The following SPATA31C2 variants were observed in gnomAD, a reference collection of about 807,000 sequenced individuals.
The protein encoded by SPATA31C2 is spermatogenesis-associated protein 31C2.
In SPATA31C2, 5 loss-of-function variants were observed where a neutral mutation model predicts 11.4. The ratio of observed to expected loss-of-function variants is 0.44; its 90% confidence interval spans 0.23 to 0.92. SPATA31C2 has a LOEUF of 0.92. Ranked by LOEUF, SPATA31C2 falls within the 40% of genes least tolerant of loss-of-function variation. SPATA31C2 has a pLI of 0.24. For missense variants in SPATA31C2, 1,353 were observed against 1,368.6 expected (o/e 0.99, Z 0.18); for synonymous variants, 515 against 538.7 (o/e 0.96, Z 0.61).
rs1468263422 is a variant in SPATA31C2 at position 88,137,518 on chromosome 9, G to T, written c.189+740C>A. Among the ~76,000 whole-genome samples the T allele has an allele frequency of 2.8e-4, 39 of 141,480 alleles. 1 individual carries two copies. Among genetic ancestry groups the T allele is most frequent in the South Asian group, 4.6e-4 (2 of 4,308 alleles). The allele number at this position is 141,480 out of a possible 152,430, so 92.8% of individuals were successfully genotyped here. A position where few individuals can be genotyped will look rare whatever the true frequency, so the allele number is the denominator to read the frequency against. On this transcript the variant is annotated intron_variant, in intron 1 of 3. Transcript: ENST00000324915. ...GCGCCTGTAATCCCCAGCTACTCAG[G>T]ACGCTAAGACAGGAGAATAGCTTGA... is the stretch of plus-strand genomic sequence containing the variant.
intron 3 of SPATA31C2, 111 bp from the exon 4 acceptor site, chr9:88,132,821 C>T: frequency 8.0e-7 from 1 of 1,243,884 alleles, no homozygotes; most frequent in South Asian, 1.6e-5. Flanking sequence ...CCACCCAATT[C>T]TCCTGCTACC....
intron 1 of SPATA31C2, 38 bp from the exon 2 acceptor site, chr9:88,133,707 C>A (rs772700577): frequency 2.9e-5 from 44 of 1,535,032 alleles, no homozygotes; most frequent in Non-Finnish European, 3.9e-5. Context: ...AGGACCGGCT[C>A]TCCCTCTCTG....
At position 88,129,706 on chromosome 9, in the gene SPATA31C2, C is replaced by T; in HGVS notation, c.3331G>A (p.Ala1111Thr). Residue 1111 changes from alanine to threonine, a missense_variant, in exon 4 of 4, where the codon GCA (alanine) becomes ACA (threonine). Ala to Thr is a moderately conservative substitution (Grantham distance 58). Around this residue, in one of 6 missense-constraint regions of SPATA31C2, gnomAD observed 187 missense variants for 205.8 expected, o/e 0.91. Transcript: ENST00000324915. ...YSEHSRMLSY[A>T]ASSQQATLKN... is the part of the protein sequence containing the mutation. ...AGAGTGGCTTGTTGACTGCTGGCTG[C>T]ATAGCTCAGCATTCTGCTGTGTTCT... is the stretch of plus-strand genomic sequence containing the variant. The T allele has an allele frequency of 6.2e-7, 1 of 1,603,492 alleles. No individual in the cohort carries two copies. The highest frequency in any genetic ancestry group is 1.1e-5 in the South Asian group (1 of 90,932).
rs749652962 is a variant in SPATA31C2, at chr9:88,130,209, C to G, written c.2828G>C (p.Cys943Ser). The G allele has an allele frequency of 6.2e-6, 10 of 1,608,920 alleles. No individual in the cohort carries two copies. Among genetic ancestry groups the G allele is most frequent in the Non-Finnish European group, 7.6e-6 (9 of 1,178,046 alleles). Residue 943 changes from cysteine to serine, a missense_variant, in exon 4 of 4, where the codon TGC (cysteine) becomes TCC (serine). Coordinates refer to ENST00000324915, the MANE Select transcript of SPATA31C2 (RefSeq NM_001350978.3). ...GGGAAACATTGGGCTTTGGCTCTTGCATGAGCCTTGACAGTTTGGGTTCCT... is the reference window on the plus strand; with the variant it reads ...GGGAAACATTGGGCTTTGGCTCTTGGATGAGCCTTGACAGTTTGGGTTCCT... ...EPRNPNCQGS[C>S]KSQSPMFPPT...
At position 88,130,405 on chromosome 9, in the gene SPATA31C2, C is replaced by T. The variant is rs747303990; in HGVS notation, c.2632G>A (p.Val878Met). Residue 878 changes from valine to methionine, a missense_variant, in exon 4 of 4, where the codon GTG (valine) becomes ATG (methionine). Physicochemically the swap from Val to Met is conservative, Grantham distance 21 (BLOSUM62 1). Transcript: ENST00000324915. The part of the protein sequence containing the change: ...ETQPQVSATV[V>M]LLPDGQASVV... ...GATGCTTGCCCATCTGGAAGGAGCA[C>T]AACAGTGGCAGAAACTTGAGGCTGG... is the stretch of plus-strand genomic sequence containing the variant. 5 of 1,611,802 alleles carry T rather than the reference C, an allele frequency of 3.1e-6. No individual in the cohort carries two copies. In the African/African-American group the frequency reaches 6.7e-5, roughly 22 times the overall value.
Position 88,133,579 on chromosome 9 carries a change from C to T in SPATA31C2, c.265+15G>A, listed in dbSNP as rs781340602. The stretch of plus-strand genomic sequence containing the variant: ...GAGATCAAATTAACTCTAGTGTGCC[C>T]TGGCAGAGCCTTACCTCTCAGACTG... On this transcript the variant is annotated intron_variant, in intron 2 of 3. Coordinates refer to ENST00000324915, the MANE Select transcript of SPATA31C2 (RefSeq NM_001350978.3). 2.5e-6 allele frequency: 4 copies of T among 1,579,714 alleles called. No individual in the cohort carries two copies. The highest frequency in any genetic ancestry group is 2.6e-6 in the Non-Finnish European group (3 of 1,161,680).
rs192359653 is a variant in SPATA31C2 at position 88,131,667 on chromosome 9, A to G, written c.1370T>C (p.Met457Thr). Residue 457 changes from methionine (M) to threonine (T), a missense_variant, in exon 4 of 4, where the codon ATG becomes ACG. Met to Thr is a moderately conservative substitution (Grantham distance 81, BLOSUM62 -1). Transcript: ENST00000324915. ...PELWRQLEQH[M>T]GQRGRIQESL... ...CTCTTGGATCCTTCCACGTTGCCCC[A>G]TGTGTTGCTCCAGTTGTCTCCAGAG... The G allele has an allele frequency of 5.0e-6, 8 of 1,611,984 alleles. No homozygotes were observed. Among genetic ancestry groups the G allele is most frequent in the Middle Eastern group, 2.3e-4 (1 of 4,430 alleles).
intron 1 of SPATA31C2, among the ~76,000 whole-genome samples, chr9:88,136,561 A>G (rs1825685121): frequency 6.8e-6 from 1 of 147,514 alleles, no homozygotes; most frequent in Non-Finnish European, 1.5e-5. Flanking sequence ...ACATCCAATT[A>G]ATAAATTCTT....
In SPATA31C2 at chr9:88,133,578, C is replaced by T. The variant is rs532661546; in HGVS notation, c.265+16G>A. On this transcript the variant is annotated intron_variant, in intron 2 of 3. Transcript: ENST00000324915. ...TGAGATCAAATTAACTCTAGTGTGC[C>T]CTGGCAGAGCCTTACCTCTCAGACT... The T allele has an allele frequency of 8.9e-6, 14 of 1,580,674 alleles. No homozygotes were observed. The highest frequency in any genetic ancestry group is 5.1e-5 in the Admixed American group (3 of 58,278).
Position 88,130,797 on chromosome 9 carries a change from C to T in SPATA31C2, c.2240G>A (p.Gly747Glu). The stretch of plus-strand genomic sequence containing the variant: ...CCCATGATCATTCGAAGATGGGATC[C>T]CTCGCGGGGCCCTCTGGAACTGCTT... The part of the protein sequence containing the change: ...ACKQFQRAPR[G>E]IPSSNDHGSL... Residue 747 changes from glycine to glutamate, a missense_variant, in exon 4 of 4, where the codon GGG becomes GAG. By Grantham distance (98) the Gly-to-Glu change is moderately conservative (BLOSUM62 -2). Coordinates refer to ENST00000324915, the MANE Select transcript of SPATA31C2 (RefSeq NM_001350978.3). The T allele has an allele frequency of 6.2e-7, 1 of 1,612,892 alleles. No individual in the cohort carries two copies. The highest frequency in any genetic ancestry group is 8.5e-7 in the Non-Finnish European group (1 of 1,179,868).
rs769227546 is a variant in SPATA31C2, at chr9:88,131,306, T to C, written c.1731A>G (p.Lys577=). ...GGCCCAACTTTCTGCTCATGTGGGCTTTCAGGATGTTTTCTATATGATTCC... is the reference window on the plus strand; with the variant it reads ...GGCCCAACTTTCTGCTCATGTGGGCCTTCAGGATGTTTTCTATATGATTCC... ...TERNHIENIL[K]AHMSRKLGQT... The change falls in exon 4 of 4, where the codon AAA becomes AAG. Residue 577 remains lysine, a synonymous_variant. Coordinates refer to ENST00000324915, the MANE Select transcript of SPATA31C2 (RefSeq NM_001350978.3). 1.3e-4 allele frequency: 211 copies of C among 1,611,764 alleles called. No individual in the cohort carries two copies. Among genetic ancestry groups the C allele is most frequent in the Non-Finnish European group, 1.7e-4 (198 of 1,179,880 alleles).
In SPATA31C2 at chr9:88,131,899, G is replaced by A. The variant is rs1049531596; in HGVS notation, c.1138C>T (p.Pro380Ser). ...SPMKNTGVACPASQNKVQALS... is the reference protein window; with the variant it reads ...SPMKNTGVACSASQNKVQALS... ...GCTTGCACTTTATTCTGCGACGCAG[G>A]GCAAGCTACTCCAGTGTTCTTCATC... Residue 380 changes from proline to serine, a missense_variant, in exon 4 of 4, where the codon CCT becomes TCT. Around this residue, in one of 6 missense-constraint regions of SPATA31C2, gnomAD observed 1,075 missense variants for 992.8 expected, o/e 1.08. Coordinates refer to ENST00000324915, the MANE Select transcript of SPATA31C2 (RefSeq NM_001350978.3). 3 of 1,610,354 alleles carry A rather than the reference G, an allele frequency of 1.9e-6. No homozygotes were observed. The highest frequency in any genetic ancestry group is 1.7e-6 in the Non-Finnish European group (2 of 1,178,624).
chr9:88,131,486 C>T lies in SPATA31C2; in HGVS notation c.1551G>A (p.Leu517=). ...GTGGGGTCTCACCCAGAATTTGCCCCAGATGTGGGCATGGGTCCCTCTCTA... is the reference window on the plus strand; with the variant it reads ...GTGGGGTCTCACCCAGAATTTGCCCTAGATGTGGGCATGGGTCCCTCTCTA... The part of the protein sequence containing the change: ...FQLERDPCPH[L]GQILGETPQN... The change falls in exon 4 of 4, where the codon CTG becomes CTA. Residue 517 remains leucine (L), a synonymous_variant. Transcript: ENST00000324915. 6.2e-7 allele frequency: 1 copy of T among 1,611,886 alleles called. No homozygotes were observed. The highest frequency in any genetic ancestry group is 8.5e-7 in the Non-Finnish European group (1 of 1,179,818).
chr9:88,134,058 G>C (rs1334719667), intron 1 of SPATA31C2, among the ~76,000 whole-genome samples: 1 of 150,924 alleles, frequency 6.6e-6, no homozygotes, highest in African/African-American at 2.4e-5. Flanking sequence ...AGGACGCTAA[G>C]ACAGGAGAAT....
At chr9:88,133,739 G>C (rs147802329) in intron 1 of SPATA31C2, 70 bp from the exon 2 acceptor site, 160 of 1,591,234 alleles carry the variant, frequency 1.0e-4, no homozygotes, top group Non-Finnish European at 1.3e-4. Flanking sequence ...GCCGCAGCAC[G>C]CTGCACTCAT....
chr9:88,133,466 G>C (rs1587689188), intron 2 of SPATA31C2, 128 bp downstream of exon 2: 2 of 1,301,810 alleles, frequency 1.5e-6, no homozygotes, highest in East Asian at 6.2e-5. Flanking sequence ...ATCTGAGAAG[G>C]ACCCAGGGTT....
Position 88,131,297 on chromosome 9 carries a change from C to A in SPATA31C2, c.1740G>T (p.Met580Ile), listed in dbSNP as rs1244487188. The change falls in exon 4 of 4, where the codon ATG becomes ATT. Residue 580 changes from methionine (M) to isoleucine (I), a missense_variant. This residue lies in a region of SPATA31C2 where 1,075 missense variants were observed against 992.8 expected (regional missense o/e 1.08). Coordinates refer to ENST00000324915, the MANE Select transcript of SPATA31C2 (RefSeq NM_001350978.3). Reference protein sequence around the residue: ...NHIENILKAHMSRKLGQTNEG... With the variant: ...NHIENILKAHISRKLGQTNEG... ...CGTTGGTCTGGCCCAACTTTCTGCT[C>A]ATGTGGGCTTTCAGGATGTTTTCTA... 6.2e-7 allele frequency: 1 copy of A among 1,611,876 alleles called. No individual in the cohort carries two copies. Among genetic ancestry groups the A allele is most frequent in the Non-Finnish European group, 8.5e-7 (1 of 1,179,876 alleles).
At chr9:88,136,655 A>G (rs1356891584) in intron 1 of SPATA31C2, among the ~76,000 whole-genome samples, 29 of 144,900 alleles carry the variant, frequency 2.0e-4, no homozygotes, top group African/African-American at 7.2e-4. Flanking sequence ...TAAATTTCAT[A>G]TTTTTACATT....
intron 1 of SPATA31C2, among the ~76,000 whole-genome samples, chr9:88,136,839 A>G (rs1454249157): frequency 5.5e-5 from 7 of 127,966 alleles, no homozygotes; most frequent in Non-Finnish European, 9.5e-5. Flanking sequence ...ATTCCCTCCT[A>G]TTAGTAATTT....
Sources: allele counts gnomAD v4.1 joint callset (sites outside exome capture counted in the v4.1 genomes callset), GRCh38; gene constraint gnomAD v4.1.1; regional missense constraint gnomAD v4.1.1; transcripts MANE v1.5; gene names NCBI Gene and HGNC (gene_info 2026-07-23, HGNC 2026-07-21).